PADI2: variants seen among roughly 807,000 people sequenced by gnomAD.
PADI2 encodes the protein peptidyl arginine deiminase 2.
Under a neutral mutation model 81.1 loss-of-function variants are expected in PADI2, and 70 were observed. The ratio of observed to expected loss-of-function variants is 0.86; its 90% CI spans 0.71 to 1.05. PADI2 has a LOEUF of 1.05. Among genes scored for constraint, PADI2 ranks in the 50% least tolerant of loss-of-function variants. The pLI, the probability that PADI2 is intolerant of heterozygous loss-of-function variation, is 0.00. For missense variants in PADI2, 853 were observed against 889.9 expected, an observed-to-expected ratio of 0.96 and a Z score of 0.53; for synonymous variants, 338 against 358.0, an observed-to-expected ratio of 0.94 and a Z score of 0.63.
chr1:17,105,190 T>A (rs1931326982), intron 1 of PADI2, 129 bp from the exon 2 acceptor site: 1 of 563,552 alleles, frequency 1.8e-6, no homozygotes, highest in Non-Finnish European at 3.0e-6. Context: ...CCCAGGCGTT[T>A]GAGACCAGCC....
intron 3 of PADI2, 133 bp downstream of exon 3, chr1:17,102,854 G>T: frequency 1.5e-6 from 1 of 678,214 alleles, no homozygotes. Flanking sequence ...TCCCTCCCCA[G>T]GCCTGTGCCA....
At chr1:17,075,133 A>G in intron 12 of PADI2, 184 bp from the exon 13 acceptor site, 1 of 517,166 alleles carries the variant, frequency 1.9e-6, no homozygotes, top group South Asian at 2.4e-5. Flanking sequence ...CCTTTCCTCT[A>G]CCTCAGCAAT....
Position 17,084,604 on chromosome 1 carries a change from C to T in PADI2, c.933G>A (p.Val311=). 4 of 1,579,340 alleles carry T rather than the reference C, an allele frequency of 2.5e-6. No homozygotes were observed. Among genetic ancestry groups the T allele is most frequent in the South Asian group, 1.2e-5 (1 of 85,968 alleles). The part of the protein sequence containing the change: ...PNILPPVSVF[V]CCMKDNYLFL... The stretch of plus-strand genomic sequence containing the variant: ...AGGCTGGGGTCACCCCTTACCAGCA[C>T]ACAAACACCGACACGGGAGGCAGGA... Residue 311 remains valine (V), a synonymous_variant, in exon 8 of 16, where the codon GTG becomes GTA. Transcript: ENST00000375486.
At chr1:17,074,031 C>G (rs12134165) in intron 13 of PADI2, among the ~76,000 whole-genome samples, 91,411 of 152,116 alleles carry the variant, frequency 0.6, 27,866 homozygotes, top group Middle Eastern at 0.7. Flanking sequence ...TTTTCTATCT[C>G]TCTTTCTAAA....
At chr1:17,070,337 G>T in intron 14 of PADI2, 121 bp from the exon 15 acceptor site, 1 of 1,280,200 alleles carries the variant, frequency 7.8e-7, no homozygotes, top group Non-Finnish European at 1.1e-6. Context: ...GAGACTTCTA[G>T]CAGTCAGCGG....
intron 1 of PADI2, among the ~76,000 whole-genome samples, chr1:17,112,659 G>A (rs1012973583): frequency 6.6e-6 from 1 of 152,152 alleles, no homozygotes; most frequent in African/African-American, 2.4e-5. Flanking sequence ...GGGGCCCTGT[G>A]GGTGGGCAGC....
At chr1:17,082,870 G>C in intron 9 of PADI2, 1 of 449,816 alleles carries the variant, frequency 2.2e-6, no homozygotes, top group Non-Finnish European at 3.9e-6. Flanking sequence ...ACCGATATCA[G>C]CCCCATTTTT....
At chr1:17,077,411 C>T (rs1271044843) in intron 11 of PADI2, among the ~76,000 whole-genome samples, 2 of 152,156 alleles carry the variant, frequency 1.3e-5, no homozygotes, top group African/African-American at 4.8e-5. Flanking sequence ...AGTAGTTTCT[C>T]AATAAATATT....
Position 17,105,046 on chromosome 1 carries a change from C to A in PADI2, c.108G>T (p.Gly36=), listed in dbSNP as rs373733707. The A allele has an allele frequency of 6.3e-7, 1 of 1,583,230 alleles. No individual in the cohort carries two copies. Among genetic ancestry groups the A allele is most frequent in the Non-Finnish European group, 8.6e-7 (1 of 1,159,742 alleles). Residue 36 remains glycine, a synonymous_variant, in exon 2 of 16, where the codon GGG becomes GGT. Transcript: ENST00000375486. ...WTDVYSAAPA[G]AQTFSLKHSE... is the part of the protein sequence containing the mutation. ...AGTGCTTCAGGCTGAAGGTTTGGGC[C>A]CCGGCTGGGGCCGCGCTGTGGGGAG...
chr1:17,118,116 G>A (rs991417481), intron 1 of PADI2, among the ~76,000 whole-genome samples: 11 of 152,196 alleles, frequency 7.2e-5, no homozygotes, highest in African/African-American at 2.7e-4. Flanking sequence ...GGGCTGCCAG[G>A]GCTGTGTGGG....
At chr1:17,112,279 A>G (rs1019762656) in intron 1 of PADI2, among the ~76,000 whole-genome samples, 9 of 152,104 alleles carry the variant, frequency 5.9e-5, no homozygotes, top group Non-Finnish European at 1.3e-4. Flanking sequence ...TCTAGGAGCC[A>G]TGGTCCTCTC....
intron 1 of PADI2, among the ~76,000 whole-genome samples, chr1:17,108,321 G>A (rs1380685357): frequency 6.6e-6 from 1 of 152,048 alleles, no homozygotes; most frequent in Non-Finnish European, 1.5e-5. Flanking sequence ...AGAGGACCTG[G>A]GTTTGAGTCT....
At chr1:17,086,470 C>T in intron 7 of PADI2, 51 bp downstream of exon 7, 1 of 1,490,310 alleles carries the variant, frequency 6.7e-7, no homozygotes, top group Non-Finnish European at 9.1e-7. Flanking sequence ...GTAGGAGACC[C>T]ACCCTGGCCC....
intron 1 of PADI2, among the ~76,000 whole-genome samples, chr1:17,118,867 G>T (rs1258475300): frequency 6.6e-6 from 1 of 152,190 alleles, no homozygotes; most frequent in African/African-American, 2.4e-5. Flanking sequence ...GCTGAACTGG[G>T]AGTGGGAAGC....
rs1366654560 is a variant in PADI2, at chr1:17,088,924, A to AC, written c.656-2226_656-2225insG. ...TCCATCTCAAAAAAAAAAAAAAAAAAAAAAAAACCAAGCCTCAGAGAATTC... is the reference window on the plus strand; with the variant it reads ...TCCATCTCAAAAAAAAAAAAAAAAAACAAAAAAACCAAGCCTCAGAGAATTC... On this transcript the variant is annotated intron_variant, in intron 6 of 15. Transcript: ENST00000375486. 1.9e-4 allele frequency among the ~76,000 whole-genome samples: 28 copies of AC among 147,322 alleles called. 1 individual carries two copies. The highest frequency in any genetic ancestry group is 2.2e-4 in the Non-Finnish European group (15 of 67,064).
chr1:17,085,662 C>T (rs1375651353), intron 7 of PADI2, among the ~76,000 whole-genome samples: 1 of 152,182 alleles, frequency 6.6e-6, no homozygotes, highest in Non-Finnish European at 1.5e-5. Flanking sequence ...AAGTTTAATT[C>T]ATTTGCCTAG....
chr1:17,069,678 T>C (rs896351148), intron 15 of PADI2, among the ~76,000 whole-genome samples: 11 of 152,098 alleles, frequency 7.2e-5, no homozygotes, highest in Non-Finnish European at 8.8e-5. Flanking sequence ...CATGTGTGTG[T>C]ATATATGTGT....
Position 17,108,368 on chromosome 1 carries a change from G to A in PADI2, c.93-3307C>T, listed in dbSNP as rs1007737782. On this transcript the variant is annotated intron_variant, in intron 1 of 15. Coordinates refer to ENST00000375486, the MANE Select transcript of PADI2 (RefSeq NM_007365.3). ...TGACTTGAGGGGGTCTGCACCTTCT[G>A]AATGTCCATCTGTTAGTCCCTACGC... Among the ~76,000 whole-genome samples the A allele has an allele frequency of 7.9e-5, 12 of 152,238 alleles. 1 individual carries two copies. In the East Asian group the frequency reaches 1.9e-3, roughly 25 times the overall value.
chr1:17,075,969 A>T (rs2078299434), intron 11 of PADI2, 146 bp from the exon 12 acceptor site: 2 of 716,334 alleles, frequency 2.8e-6, no homozygotes, highest in South Asian at 3.2e-5. Context: ...GGGTTAAGAG[A>T]CCCTGGCGCA....
Sources: gnomAD v4.1 joint callset for allele counts (sites outside exome capture counted in the v4.1 genomes callset) on GRCh38, gnomAD v4.1.1 for gene constraint, MANE v1.5 for transcripts, NCBI Gene and HGNC (gene_info 2026-07-23, HGNC 2026-07-21) for gene names.